The following UNC13C variants were observed in gnomAD, a reference collection of about 807,000 sequenced individuals.
The protein encoded by UNC13C is unc-13 homolog C.
Under a neutral mutation model 245.4 loss-of-function variants are expected in UNC13C, and 174 were observed. That is an observed-to-expected ratio of 0.71 (90% CI 0.63 to 0.80). UNC13C has a LOEUF of 0.80. Among genes scored for constraint, UNC13C ranks in the 30% least tolerant of loss-of-function variants. The probability of loss-of-function intolerance (pLI) is 0.00; values close to 1 mark genes in which losing one functional copy is unlikely to be tolerated. For missense variants in UNC13C, 2,829 were observed against 2,602.9 expected, an observed-to-expected ratio of 1.09 and a Z score of -1.89; for synonymous variants, 992 against 895.1, an observed-to-expected ratio of 1.11 and a Z score of -1.93.
intron 2 of UNC13C, among the ~76,000 whole-genome samples, chr15:54,138,933 A>G (rs1053304476): frequency 9.9e-6 from 1 of 100,686 alleles, no homozygotes; most frequent in African/African-American, 3.8e-5. Context: ...GTGTGTGCAT[A>G]TATCTCCAAA....
At chr15:54,617,855 G>T (rs1735930533) in intron 30 of UNC13C, among the ~76,000 whole-genome samples, 1 of 152,068 alleles carries the variant, frequency 6.6e-6, no homozygotes, top group African/African-American at 2.4e-5. Flanking sequence ...AGATGAGCTT[G>T]ATATTTAATG....
intron 2 of UNC13C, among the ~76,000 whole-genome samples, chr15:54,122,283 A>G (rs1046466891): frequency 3.7e-4 from 57 of 152,060 alleles, no homozygotes; most frequent in African/African-American, 1.3e-3. Flanking sequence ...AGATCAAGGA[A>G]ATTTCTGGAG....
intron 2 of UNC13C, among the ~76,000 whole-genome samples, chr15:54,022,650 C>A (rs1361780359): frequency 6.6e-6 from 1 of 152,068 alleles, no homozygotes; most frequent in Admixed American, 6.6e-5. Flanking sequence ...GGACATTAGC[C>A]CCTTATCAAA....
At chr15:54,505,468 A>C (rs78012714) in intron 22 of UNC13C, among the ~76,000 whole-genome samples, 1 of 152,228 alleles carries the variant, frequency 6.6e-6, no homozygotes, top group African/African-American at 2.4e-5. Context: ...TGCATGTCCA[A>C]CAAGTTCCCA....
At chr15:53,990,426 A>G (rs1389675512) in intron 1 of UNC13C, among the ~76,000 whole-genome samples, 1 of 152,096 alleles carries the variant, frequency 6.6e-6, no homozygotes, top group Non-Finnish European at 1.5e-5. Context: ...GCTAGCCAAG[A>G]AATTGGTGAT....
chr15:53,998,487 A>G (rs1894736513), intron 1 of UNC13C, among the ~76,000 whole-genome samples: 1 of 152,096 alleles, frequency 6.6e-6, no homozygotes, highest in African/African-American at 2.4e-5. Flanking sequence ...GAGCTTGCCA[A>G]ATTTAGTTTT....
the UNC13C span, among the ~76,000 whole-genome samples, chr15:53,878,996 A>G: frequency 6.6e-6 from 1 of 152,224 alleles, no homozygotes; most frequent in Non-Finnish European, 1.5e-5. Context: ...AAATCTGAGT[A>G]TGGCTCCCTG....
intron 2 of UNC13C, among the ~76,000 whole-genome samples, chr15:54,038,124 A>ATAAATTTTTTTTTTTTTTTTT: frequency 3.6e-4 from 16 of 45,032 alleles, no homozygotes; most frequent in African/African-American, 1.4e-3. Flanking sequence ...ATATATATAT[A>ATAAATTTTTTTTTTTTTTTTT]TTTTTTTTTT....
intron 4 of UNC13C, among the ~76,000 whole-genome samples, chr15:54,162,283 C>G (rs954922690): frequency 1.3e-5 from 2 of 152,134 alleles, no homozygotes; most frequent in Admixed American, 1.3e-4. Context: ...TGGTCCATTT[C>G]CTTGTCTGGT....
chr15:54,451,201 T>A lies in UNC13C; in HGVS notation c.4933+36134T>A, dbSNP rs74959598. On this transcript the variant is annotated intron_variant, in intron 19 of 32. Transcript: ENST00000260323. ...GTTTATTGCAGGGTCAGTCTAGTGATGAGGAATTACCTCAGTTTTTGCTTG... is the reference window on the plus strand; with the variant it reads ...GTTTATTGCAGGGTCAGTCTAGTGAAGAGGAATTACCTCAGTTTTTGCTTG... 3.7e-4 allele frequency among the ~76,000 whole-genome samples: 57 copies of A among 152,290 alleles called. 1 individual carries two copies. In the East Asian group the frequency reaches 0.011, roughly 29 times the overall value.
At chr15:54,170,495 G>A (rs924961858) in intron 4 of UNC13C, among the ~76,000 whole-genome samples, 1 of 152,094 alleles carries the variant, frequency 6.6e-6, no homozygotes, top group African/African-American at 2.4e-5. Flanking sequence ...ATCATTACGT[G>A]TGGTACTGAG....
At chr15:54,229,152 A>C (rs530015715) in intron 4 of UNC13C, among the ~76,000 whole-genome samples, 2 of 152,234 alleles carry the variant, frequency 1.3e-5, no homozygotes, top group Middle Eastern at 3.4e-3. Flanking sequence ...TTCCAACGCA[A>C]AGTCCTGCAA....
the UNC13C span, among the ~76,000 whole-genome samples, chr15:53,898,480 C>CA: frequency 3.3e-5 from 5 of 151,832 alleles, no homozygotes; most frequent in Non-Finnish European, 5.9e-5. Context: ...CTATATTCTT[C>CA]AAAAAAATCA....
intron 2 of UNC13C, among the ~76,000 whole-genome samples, chr15:54,131,794 T>C (rs1229609662): frequency 1.3e-5 from 2 of 152,176 alleles, no homozygotes; most frequent in Non-Finnish European, 2.9e-5. Flanking sequence ...TCTCCTTTCA[T>C]TTCTTGCAAT....
In UNC13C at chr15:54,014,030, C is replaced by A; in HGVS notation, c.1127C>A (p.Pro376His). The A allele has an allele frequency of 1.2e-6, 2 of 1,613,744 alleles. No homozygotes were observed. The highest frequency in any genetic ancestry group is 8.5e-7 in the Non-Finnish European group (1 of 1,179,850). ...GACTGCCCAAATGCAAAGCCTCGAC[C>A]CATACTTGTGTACTTTGAAACCCCT... ...QRDCPNAKPRPILVYFETPQQ... is the reference protein window; with the variant it reads ...QRDCPNAKPRHILVYFETPQQ... The change falls in exon 2 of 33, where the codon CCC becomes CAC. Residue 376 changes from proline to histidine, a missense_variant. Coordinates refer to ENST00000260323, the MANE Select transcript of UNC13C (RefSeq NM_001080534.3).
At chr15:54,543,207 A>T (rs746650740) in intron 26 of UNC13C, among the ~76,000 whole-genome samples, 2 of 152,088 alleles carry the variant, frequency 1.3e-5, no homozygotes, top group South Asian at 2.1e-4. Context: ...GTGACAAAAT[A>T]TCTCAGCATT....
intron 11 of UNC13C, among the ~76,000 whole-genome samples, chr15:54,295,625 C>A (rs574609664): frequency 6.6e-6 from 1 of 151,128 alleles, no homozygotes; most frequent in East Asian, 2.0e-4. Context: ...TGCATCCCAG[C>A]CTGGGTCACA....
intron 2 of UNC13C, among the ~76,000 whole-genome samples, chr15:54,088,955 C>G (rs557160276): frequency 6.6e-6 from 1 of 151,918 alleles, no homozygotes. Context: ...GATAACTTGG[C>G]GGGGGGGAAC....
At chr15:54,511,465 T>C (rs887115183) in intron 23 of UNC13C, among the ~76,000 whole-genome samples, 1 of 152,196 alleles carries the variant, frequency 6.6e-6, no homozygotes, top group Non-Finnish European at 1.5e-5. Context: ...GCTTACTTTC[T>C]AAGTATGAAA....
Sources: allele counts gnomAD v4.1 joint callset (sites outside exome capture counted in the v4.1 genomes callset), GRCh38; gene constraint gnomAD v4.1.1; transcripts MANE v1.5; gene names NCBI Gene and HGNC (gene_info 2026-07-23, HGNC 2026-07-21).